Variants in CDKL2 observed in about 807,000 individuals in gnomAD.
CDKL2 encodes the protein cyclin-dependent kinase-like 2.
A neutral mutation model predicts 63.9 loss-of-function variants in CDKL2; 64 were observed. The ratio of observed to expected loss-of-function variants is 1.00; its 90% CI spans 0.82 to 1.23. CDKL2 has a LOEUF of 1.23. Ranked by LOEUF, CDKL2 falls within the 50% of genes most tolerant of loss-of-function variation. The probability of loss-of-function intolerance (pLI) is 0.00; values close to 1 mark genes in which losing one functional copy is unlikely to be tolerated. For missense variants in CDKL2, 656 were observed against 668.0 expected, an observed-to-expected ratio of 0.98 and a Z score of 0.20; for synonymous variants, 211 against 229.2, an observed-to-expected ratio of 0.92 and a Z score of 0.72.
chr4:75,581,593 G>A (rs934836870), intron 13 of CDKL2, among the ~76,000 whole-genome samples: 7 of 152,242 alleles, frequency 4.6e-5, no homozygotes, highest in African/African-American at 1.2e-4. Flanking sequence ...CAGGAGATTA[G>A]TTTAAGAGCA....
At chr4:75,612,341 G>A (rs1224891318) in intron 3 of CDKL2, among the ~76,000 whole-genome samples, 7 of 152,178 alleles carry the variant, frequency 4.6e-5, no homozygotes, top group African/African-American at 1.7e-4. Context: ...CTGCCTGGAT[G>A]TATCTGTACA....
At chr4:75,589,865 C>T (rs1728634523) in intron 12 of CDKL2, among the ~76,000 whole-genome samples, 1 of 152,068 alleles carries the variant, frequency 6.6e-6, no homozygotes, top group Non-Finnish European at 1.5e-5. Flanking sequence ...ACCTGTAGTC[C>T]CAGCTCCTTG....
intron 1 of CDKL2, among the ~76,000 whole-genome samples, chr4:75,628,438 A>G (rs1302103442): frequency 6.6e-6 from 1 of 152,148 alleles, no homozygotes. Flanking sequence ...CTCATATTAT[A>G]TGACATTTTC....
At chr4:75,583,417 T>A (rs1200209536) in intron 12 of CDKL2, among the ~76,000 whole-genome samples, 1 of 152,166 alleles carries the variant, frequency 6.6e-6, no homozygotes, top group African/African-American at 2.4e-5. Context: ...CCCAAAGAAA[T>A]CCTTTGCATT....
intron 3 of CDKL2, among the ~76,000 whole-genome samples, chr4:75,609,047 T>C (rs1729558402): frequency 6.6e-6 from 1 of 151,546 alleles, no homozygotes; most frequent in Non-Finnish European, 1.5e-5. Flanking sequence ...GAGTCGTAGA[T>C]ATTTTGTAGA....
chr4:75,582,531 G>A (rs183822952), intron 12 of CDKL2, among the ~76,000 whole-genome samples: 49 of 152,062 alleles, frequency 3.2e-4, no homozygotes, highest in South Asian at 1.5e-3. Context: ...ACAGAGTCTC[G>A]GGAACCTATG....
intron 2 of CDKL2, among the ~76,000 whole-genome samples, chr4:75,618,872 G>A (rs1034435585): frequency 6.6e-6 from 1 of 152,068 alleles, no homozygotes; most frequent in Non-Finnish European, 1.5e-5. Flanking sequence ...AGAAATAAAC[G>A]AGGCATCACT....
At chr4:75,612,680 AATCCAAC>A (rs1729753251) in intron 3 of CDKL2, among the ~76,000 whole-genome samples, 1 of 152,246 alleles carries the variant, frequency 6.6e-6, no homozygotes. Flanking sequence ...ATTTCCTGCA[AATCCAAC>A]ATTATTGTTA....
intron 3 of CDKL2, among the ~76,000 whole-genome samples, chr4:75,607,645 T>C (rs1368784968): frequency 6.6e-6 from 1 of 152,166 alleles, no homozygotes; most frequent in Non-Finnish European, 1.5e-5. Context: ...AGTAAAGCTA[T>C]CATTGAAGCT....
chr4:75,584,092 G>A (rs1202506504), intron 12 of CDKL2, among the ~76,000 whole-genome samples: 2 of 152,150 alleles, frequency 1.3e-5, no homozygotes, highest in African/African-American at 4.8e-5. Context: ...TGGAATAAAT[G>A]TTACTAATTA....
chr4:75,595,976 AGAAGGAAGGAAGGAAGGAAG>A lies in CDKL2; in HGVS notation c.1416+251_1416+270del, dbSNP rs554405215. 5.5e-3 allele frequency: 851 copies of A among 155,804 alleles called. 36 individuals carry two copies. In the South Asian group the frequency reaches 0.1, roughly 18 times the overall value. 9.7% of individuals were successfully genotyped at this position (155,804 alleles called of 1,614,324 possible). On this transcript the variant is annotated intron_variant, in intron 10 of 13. Coordinates refer to ENST00000307465, the MANE Select transcript of CDKL2 (RefSeq NM_001330724.2). ...AGAGAGGAAGGAAGGAAGGAAGGAA[AGAAGGAAGGAAGGAAGGAAG>A]GAAGGAAGGAAGGAAGGAAGGAAGG... is the stretch of plus-strand genomic sequence containing the variant.
At chr4:75,621,780 G>C (rs973866858) in intron 2 of CDKL2, among the ~76,000 whole-genome samples, 13 of 152,118 alleles carry the variant, frequency 8.5e-5, no homozygotes, top group African/African-American at 3.1e-4. Context: ...CTTATCATCA[G>C]ATTTGCTTTA....
intron 1 of CDKL2, among the ~76,000 whole-genome samples, chr4:75,626,582 G>T (rs965083415): frequency 6.6e-6 from 1 of 150,944 alleles, no homozygotes; most frequent in Non-Finnish European, 1.5e-5. Flanking sequence ...CAGGAGAATG[G>T]CGTGAACCCG....
At chr4:75,608,924 G>T (rs1042728299) in intron 3 of CDKL2, among the ~76,000 whole-genome samples, 4 of 151,804 alleles carry the variant, frequency 2.6e-5, no homozygotes, top group Admixed American at 2.0e-4. Flanking sequence ...TACCCAGGAG[G>T]TGGAGGTTGC....
At chr4:75,620,041 C>T (rs917519467) in intron 2 of CDKL2, among the ~76,000 whole-genome samples, 1 of 152,000 alleles carries the variant, frequency 6.6e-6, no homozygotes, top group African/African-American at 2.4e-5. Context: ...AAAAAATTAG[C>T]TGGGCATGGT....
At chr4:75,605,275 C>T (rs1236439751) in intron 5 of CDKL2, among the ~76,000 whole-genome samples, 2 of 152,030 alleles carry the variant, frequency 1.3e-5, no homozygotes, top group African/African-American at 4.8e-5. Flanking sequence ...ATCGCTTGAA[C>T]CCAGGAGGCA....
chr4:75,588,991 A>C (rs1172292055), intron 12 of CDKL2, among the ~76,000 whole-genome samples: 3 of 152,250 alleles, frequency 2.0e-5, no homozygotes, highest in Non-Finnish European at 4.4e-5. Flanking sequence ...ATCAAAATAA[A>C]TAATGACTCA....
At chr4:75,622,826 A>G (rs1234911210) in intron 2 of CDKL2, among the ~76,000 whole-genome samples, 1 of 151,976 alleles carries the variant, frequency 6.6e-6, no homozygotes, top group Non-Finnish European at 1.5e-5. Flanking sequence ...AATTCTCCAC[A>G]AATTGATTGT....
chr4:75,611,593 T>C (rs1354335207), intron 3 of CDKL2, among the ~76,000 whole-genome samples: 1 of 151,824 alleles, frequency 6.6e-6, no homozygotes, highest in African/African-American at 2.4e-5. Flanking sequence ...CCCATAAAAA[T>C]TCACATTTTC....
Sources: allele counts gnomAD v4.1 joint callset (sites outside exome capture counted in the v4.1 genomes callset), GRCh38; gene constraint gnomAD v4.1.1; transcripts MANE v1.5; gene names NCBI Gene and HGNC (gene_info 2026-07-23, HGNC 2026-07-21).